Variants in CCDC33 observed in about 807,000 individuals in gnomAD.
CCDC33 encodes the protein coiled-coil domain-containing protein 33.
In CCDC33, 94 loss-of-function variants were observed where a neutral mutation model predicts 91.9. The ratio of observed to expected loss-of-function variants is 1.02; its 90% CI spans 0.87 to 1.21. CCDC33 has a LOEUF of 1.21. Ranked by LOEUF, CCDC33 falls within the 50% of genes most tolerant of loss-of-function variation. The pLI, the probability that CCDC33 is intolerant of heterozygous loss-of-function variation, is 0.00. For missense variants in CCDC33, 940 were observed against 935.5 expected, an observed-to-expected ratio of 1.00 and a Z score of -0.06; for synonymous variants, 396 against 374.5, an observed-to-expected ratio of 1.06 and a Z score of -0.66.
chr15:74,221,434 CG>C, intron 2 of CCDC33: 2 of 540,308 alleles, frequency 3.7e-6, no homozygotes, highest in Non-Finnish European at 4.7e-6. Context: ...TTCTCAGCCA[CG>C]GCCCCTGGGT....
At chr15:74,241,285 C>T (rs756703372) in intron 1 of CCDC33, among the ~76,000 whole-genome samples, 6 of 152,156 alleles carry the variant, frequency 3.9e-5, no homozygotes, top group Non-Finnish European at 8.8e-5. Flanking sequence ...CATGTATTCT[C>T]ACCTCCTAAT....
At chr15:74,328,060 T>C (rs2060346974) in intron 11 of CCDC33, among the ~76,000 whole-genome samples, 1 of 152,216 alleles carries the variant, frequency 6.6e-6, no homozygotes, top group Non-Finnish European at 1.5e-5. Flanking sequence ...ATTTGGATGC[T>C]GCTGTAATTG....
intron 11 of CCDC33, among the ~76,000 whole-genome samples, chr15:74,299,050 G>A (rs754441288): frequency 5.3e-5 from 8 of 152,128 alleles, no homozygotes; most frequent in Middle Eastern, 3.2e-3. Context: ...CATTGTGAGC[G>A]ACAGAGGAGT....
chr15:74,233,144 C>T (rs1269220820), upstream of CCDC33, among the ~76,000 whole-genome samples: 1 of 152,220 alleles, frequency 6.6e-6, no homozygotes, highest in African/African-American at 2.4e-5. Flanking sequence ...CTGCTCTGAA[C>T]GTGTGTGCAG....
In CCDC33 at chr15:74,226,778, A is replaced by G. The variant is rs578217460; in HGVS notation, c.675+7917A>G. 4.4e-3 allele frequency among the ~76,000 whole-genome samples: 666 copies of G among 151,884 alleles called. 2 individuals are homozygous for G. Among genetic ancestry groups the G allele is most frequent in the Non-Finnish European group, 6.9e-3 (468 of 67,902 alleles). ...GGGAGGCAGAGGTTGCGGTGAGCCA[A>G]GATCACACCACTGCACTCTAGCTTG... On this transcript the variant is annotated intron_variant, in intron 2 of 2. Coordinates refer to the CCDC33 transcript ENST00000635913.
chr15:74,336,373 G>A, downstream of CCDC33: 2 of 1,334,270 alleles, frequency 1.5e-6, no homozygotes, highest in Non-Finnish European at 2.0e-6. Flanking sequence ...CGGAGAAGAA[G>A]CAAGGCCACC....
chr15:74,206,251 G>A (rs375248072), intron 1 of CCDC33, among the ~76,000 whole-genome samples: 4 of 152,196 alleles, frequency 2.6e-5, no homozygotes, highest in Non-Finnish European at 2.9e-5. Context: ...AGTCTGGTGC[G>A]GGCAGGGTGG....
At chr15:74,204,939 A>AAG (rs72534027) in intron 1 of CCDC33, among the ~76,000 whole-genome samples, 1 of 136,024 alleles carries the variant, frequency 7.4e-6, no homozygotes. Context: ...CATCTCAAAA[A>AAG]AAAAGAAAGA....
chr15:74,209,456 C>T, exon 2 of CCDC33: 1 of 1,535,286 alleles, frequency 6.5e-7, no homozygotes, highest in Middle Eastern at 1.7e-4. Context: ...GATCTGCATC[C>T]TGCTGCTGCC....
intron 7 of CCDC33, among the ~76,000 whole-genome samples, chr15:74,275,502 C>T (rs1270292419): frequency 6.6e-6 from 1 of 152,134 alleles, no homozygotes; most frequent in African/African-American, 2.4e-5. Flanking sequence ...TGTCACACAC[C>T]ACATCAACTC....
chr15:74,330,334 C>T lies in CCDC33; in HGVS notation c.1436C>T (p.Ala479Val). 2 of 1,603,630 alleles carry T rather than the reference C, an allele frequency of 1.2e-6. No individual in the cohort carries two copies. The highest frequency in any genetic ancestry group is 1.7e-6 in the Non-Finnish European group (2 of 1,176,056). Reference sequence around the variant, plus strand: ...GAGGAGGAAGAGGGGCAGGGCAAAGCCAGTGAGGCCCAGAACACGGGTGAG... The same window carrying T: ...GAGGAGGAAGAGGGGCAGGGCAAAGTCAGTGAGGCCCAGAACACGGGTGAG... ...QQEEEEGQGK[A>V]SEAQNTVSMK... Residue 479 changes from alanine to valine, a missense_variant, in exon 12 of 19, where the codon GCC becomes GTC. Physicochemically the swap from Ala to Val is moderately conservative, Grantham distance 64 (BLOSUM62 0). Coordinates refer to ENST00000398814, the MANE Select transcript of CCDC33 (RefSeq NM_025055.5).
intron 1 of CCDC33, among the ~76,000 whole-genome samples, chr15:74,203,692 A>G (rs1269699419): frequency 1.3e-5 from 2 of 152,240 alleles, no homozygotes; most frequent in Non-Finnish European, 2.9e-5. Context: ...GAGAGATGAC[A>G]GTTCAGCGGG....
chr15:74,336,128 T>C lies in CCDC33; in HGVS notation c.*75T>C. ...CCCCTAAAAATGACGTTATTAAATG[T>C]TGTAGCTCTGTGAGCATTTTCCTCT... is the stretch of plus-strand genomic sequence containing the variant. On this transcript the variant is annotated 3_prime_UTR_variant, in exon 19 of 19. Coordinates refer to ENST00000398814, the MANE Select transcript of CCDC33 (RefSeq NM_025055.5). The C allele has an allele frequency of 1.3e-6, 2 of 1,573,902 alleles. No homozygotes were observed. Among genetic ancestry groups the C allele is most frequent in the Middle Eastern group, 1.7e-4 (1 of 5,920 alleles).
chr15:74,287,796 A>AAAAC (rs35600354), intron 10 of CCDC33, among the ~76,000 whole-genome samples: 102,742 of 151,610 alleles, frequency 0.68, 37,736 homozygotes, highest in Non-Finnish European at 0.83. Flanking sequence ...CTAAAAACAG[A>AAAAC]AAACAAACAA....
chr15:74,234,264 G>A (rs1391822452), upstream of CCDC33, among the ~76,000 whole-genome samples: 1 of 152,180 alleles, frequency 6.6e-6, no homozygotes, highest in African/African-American at 2.4e-5. Flanking sequence ...GTGGGTAGGG[G>A]GTGGGCACAG....
chr15:74,330,798 G>A, intron 13 of CCDC33, 47 bp downstream of exon 13: 1 of 1,555,956 alleles, frequency 6.4e-7, no homozygotes, highest in Non-Finnish European at 8.8e-7. Context: ...TATGGTGGGG[G>A]AGCATCGGGG....
At chr15:74,243,686 G>T (rs756379727) in intron 1 of CCDC33, 1 of 476,894 alleles carries the variant, frequency 2.1e-6, no homozygotes, top group Admixed American at 2.3e-5. Context: ...GCCAGGTGCA[G>T]TAACTCATGC....
At chr15:74,271,618 A>T in intron 5 of CCDC33, 85 bp from the exon 6 acceptor site, 1 of 973,366 alleles carries the variant, frequency 1.0e-6, no homozygotes, top group South Asian at 1.4e-5. Context: ...GATGGGGAAA[A>T]AGAGGGTAGG....
At chr15:74,286,916 C>T (rs1246302280) in intron 10 of CCDC33, among the ~76,000 whole-genome samples, 1 of 152,140 alleles carries the variant, frequency 6.6e-6, no homozygotes. Context: ...CTCTTCCCCT[C>T]ATAGGGAGAG....
Sources: gnomAD v4.1 joint callset for allele counts (sites outside exome capture counted in the v4.1 genomes callset) on GRCh38, gnomAD v4.1.1 for gene constraint, MANE v1.5 for transcripts, NCBI Gene and HGNC (gene_info 2026-07-23, HGNC 2026-07-21) for gene names.